The following COPE variants were observed in gnomAD, a reference collection of about 807,000 sequenced individuals.
The protein encoded by COPE is coatomer subunit epsilon.
Under a neutral mutation model 42.1 loss-of-function variants are expected in COPE, and 19 were observed. The observed-to-expected ratio is 0.45, with a 90% confidence interval of 0.31 to 0.66. The LOEUF (loss-of-function observed/expected upper bound fraction) is 0.66. COPE is among the 30% of genes least tolerant of loss of function. The pLI is 0.05. For missense variants in COPE, 402 were observed against 416.1 expected (o/e 0.97, Z 0.30); for synonymous variants, 195 against 181.3 (o/e 1.08, Z -0.60).
chr19:18,916,632 A>G (rs778244879), intron 1 of COPE, among the ~76,000 whole-genome samples: 7 of 151,314 alleles, frequency 4.6e-5, no homozygotes, highest in Non-Finnish European at 1.0e-4. Flanking sequence ...TAGGAAAAAT[A>G]CAAAAATTAG....
chr19:18,902,916 A>T (rs1207329460), intron 7 of COPE, among the ~76,000 whole-genome samples: 1 of 150,964 alleles, frequency 6.6e-6, no homozygotes, highest in African/African-American at 2.4e-5. Context: ...TCCACAGCAC[A>T]CTCTCCCCTA....
In COPE at chr19:18,902,748, AAAGGAAGGAAGGAAGGAAGGGAAAG is replaced by A. The variant is rs1208153643; in HGVS notation, c.735+495_735+519del. Among the ~76,000 whole-genome samples the A allele has an allele frequency of 1.9e-4, 10 of 51,964 alleles. 3 individuals are homozygous for A. The Admixed American group carries it at 1.9e-3, about 10-fold the overall frequency. 34.1% of individuals were successfully genotyped at this position (51,964 alleles called of 152,430 possible). A position where few individuals can be genotyped will look rare whatever the true frequency, so the allele number is the denominator to read the frequency against. On this transcript the variant is annotated intron_variant, in intron 7 of 9. Transcript: ENST00000262812. ...AGGAAGGAAAGGAAGGAAAGGAAGG[AAAGGAAGGAAGGAAGGAAGGGAAAG>A]AAGGAAGGAAGGAAGGAAGGAAGGA...
At chr19:18,917,826 C>T (rs1029927243) in intron 1 of COPE, among the ~76,000 whole-genome samples, 1 of 152,074 alleles carries the variant, frequency 6.6e-6, no homozygotes, top group Non-Finnish European at 1.5e-5. Context: ...TAAGCACATT[C>T]CTTTCCCTTC....
intron 3 of COPE, among the ~76,000 whole-genome samples, chr19:18,909,621 C>G (rs747645071): frequency 1.3e-5 from 2 of 151,608 alleles, no homozygotes; most frequent in African/African-American, 4.8e-5. Flanking sequence ...CAGGTTCAAG[C>G]GATTCTCCTG....
intron 2 of COPE, among the ~76,000 whole-genome samples, chr19:18,911,709 G>A (rs144047937): frequency 0.032 from 4,811 of 150,086 alleles, 102 homozygotes; most frequent in Non-Finnish European, 0.04. Context: ...CCGCCACCAC[G>A]CCCGGCTAAT....
At chr19:18,909,143 T>G (rs79489270) in intron 3 of COPE, among the ~76,000 whole-genome samples, 2,406 of 152,388 alleles carry the variant, frequency 0.016, 70 homozygotes, top group African/African-American at 0.054. Flanking sequence ...GCTGCTTTTC[T>G]GTGATGCTCA....
chr19:18,904,889 C>T (rs1193045683), intron 5 of COPE, 37 bp from the exon 6 acceptor site: 17 of 1,545,616 alleles, frequency 1.1e-5, no homozygotes, highest in East Asian at 7.3e-5. Context: ...GCTGAGTGGC[C>T]GAGGGCCCTG....
At chr19:18,908,344 T>C (rs2056779502) in intron 3 of COPE, among the ~76,000 whole-genome samples, 1 of 151,496 alleles carries the variant, frequency 6.6e-6, no homozygotes, top group African/African-American at 2.4e-5. Context: ...GGAGGATGGC[T>C]TCAGCCCGGG....
chr19:18,907,835 C>T (rs1601222975), intron 3 of COPE, among the ~76,000 whole-genome samples: 1 of 152,208 alleles, frequency 6.6e-6, no homozygotes, highest in African/African-American at 2.4e-5. Flanking sequence ...AGCATCCACG[C>T]GCATCTGGGG....
intron 2 of COPE, among the ~76,000 whole-genome samples, chr19:18,912,562 C>T: frequency 6.6e-6 from 1 of 151,948 alleles, no homozygotes; most frequent in Non-Finnish European, 1.5e-5. Context: ...TTCAAGACCA[C>T]CCTGGCTAAT....
intron 3 of COPE, among the ~76,000 whole-genome samples, chr19:18,909,058 C>A (rs1404064566): frequency 6.6e-6 from 1 of 152,234 alleles, no homozygotes; most frequent in Non-Finnish European, 1.5e-5. Context: ...CCCGGGGCGT[C>A]CTGCCAATGA....
chr19:18,913,860 C>A (rs929112479), intron 1 of COPE, among the ~76,000 whole-genome samples: 1 of 152,234 alleles, frequency 6.6e-6, no homozygotes, highest in Non-Finnish European at 1.5e-5. Context: ...TGTCAAGGCA[C>A]AGGGTCAAAG....
intron 4 of COPE, chr19:18,905,887 C>T: frequency 1.8e-6 from 1 of 540,676 alleles, no homozygotes; most frequent in Non-Finnish European, 3.2e-6. Flanking sequence ...GAGAAGCAGC[C>T]TCCATGGGCT....
intron 1 of COPE, 81 bp from the exon 2 acceptor site, chr19:18,913,127 C>CAG: frequency 7.9e-7 from 1 of 1,272,738 alleles, no homozygotes. Context: ...AGACAGGCCC[C>CAG]TGTACACTGG....
intron 3 of COPE, among the ~76,000 whole-genome samples, chr19:18,909,766 T>C (rs2056793622): frequency 6.6e-6 from 1 of 151,976 alleles, no homozygotes; most frequent in Non-Finnish European, 1.5e-5. Context: ...GCCCACCTCG[T>C]CCTCCCAAAG....
chr19:18,904,195 C>T (rs2146103392), intron 6 of COPE, among the ~76,000 whole-genome samples: 1 of 152,358 alleles, frequency 6.6e-6, no homozygotes, highest in East Asian at 1.9e-4. Flanking sequence ...GAACTCCCAA[C>T]CTCACATGAT....
chr19:18,910,889 GCCC>G lies in COPE; in HGVS notation c.290+79_290+81del, dbSNP rs2056803165. Reference sequence around the variant, plus strand: ...AGGGATGCTGTGCGCTGCACGCCATGCCCCCACCCACCCAGGTTCATAACCAAC... The same window carrying G: ...AGGGATGCTGTGCGCTGCACGCCATGCCACCCACCCAGGTTCATAACCAAC... On this transcript the variant is annotated intron_variant, in intron 3 of 9. Transcript: ENST00000262812. 8 of 1,234,018 alleles carry G rather than the reference GCCC, an allele frequency of 6.5e-6. 1 individual carries two copies. In the Admixed American group the frequency reaches 1.4e-4, roughly 21 times the overall value. 76.4% of individuals were successfully genotyped at this position (1,234,018 alleles called of 1,614,324 possible).
At chr19:18,915,426 G>A (rs1209670693) in intron 1 of COPE, among the ~76,000 whole-genome samples, 2 of 152,222 alleles carry the variant, frequency 1.3e-5, no homozygotes, top group Admixed American at 6.5e-5. Context: ...TGTGCAGACC[G>A]TGACCCTGAC....
intron 3 of COPE, among the ~76,000 whole-genome samples, chr19:18,907,513 A>C (rs1387100153): frequency 6.6e-6 from 1 of 152,160 alleles, no homozygotes; most frequent in East Asian, 1.9e-4. Context: ...GGGGCCGTGC[A>C]GAAGGATGGG....
Sources: gnomAD v4.1 joint callset for allele counts (sites outside exome capture counted in the v4.1 genomes callset) on GRCh38, gnomAD v4.1.1 for gene constraint, MANE v1.5 for transcripts, NCBI Gene and HGNC (gene_info 2026-07-23, HGNC 2026-07-21) for gene names.